The following TNMD variants were observed in gnomAD, a reference collection of about 807,000 sequenced individuals.
TNMD encodes BRICHOS domain containing 4.
A neutral mutation model predicts 26.9 loss-of-function variants in TNMD; 15 were observed. The observed-to-expected ratio is 0.56, with a 90% CI of 0.37 to 0.86. The LOEUF (loss-of-function observed/expected upper bound fraction) is 0.86. TNMD is among the 40% of genes least tolerant of loss of function. The pLI is 0.00. For missense variants in TNMD, 222 were observed against 242.6 expected, an observed-to-expected ratio of 0.92 and a Z score of 0.56; for synonymous variants, 73 against 77.0, an observed-to-expected ratio of 0.95 and a Z score of 0.27.
At chrX:100,593,599 T>G in intron 2 of TNMD, 1 of 189,521 alleles carries the variant, frequency 5.3e-6, no homozygotes, top group Non-Finnish European at 9.2e-6. Flanking sequence ...GGGGTCGTGA[T>G]TACTTAGCAC....
chrX:100,586,057 T>C (rs2082921323), intron 2 of TNMD, among the ~76,000 whole-genome samples: 1 of 112,271 alleles, frequency 8.9e-6, no homozygotes, highest in Non-Finnish European at 1.9e-5. Flanking sequence ...TTTATATTTC[T>C]GTACCTTAGT....
intron 2 of TNMD, among the ~76,000 whole-genome samples, chrX:100,586,092 G>A (rs963870997): frequency 2.7e-5 from 3 of 112,176 alleles, no homozygotes; most frequent in Non-Finnish European, 5.6e-5. Context: ...TGGGCTCATA[G>A]GCAATGGGCA....
At chrX:100,599,438 C>T in intron 6 of TNMD, 70 bp from the exon 7 acceptor site, 1 of 984,066 alleles carries the variant, frequency 1.0e-6, no homozygotes, top group African/African-American at 1.9e-5. Flanking sequence ...TAGTTCTCCC[C>T]TGCTTGGTGA....
chrX:100,588,533 G>A (rs1371727998), intron 2 of TNMD, among the ~76,000 whole-genome samples: 1 of 111,109 alleles, frequency 9.0e-6, no homozygotes, highest in African/African-American at 3.3e-5. Context: ...GCAATTTTGA[G>A]AAAGCATCGT....
chrX:100,595,370 C>A (rs1330057010), intron 4 of TNMD, among the ~76,000 whole-genome samples: 2 of 110,751 alleles, frequency 1.8e-5, no homozygotes, highest in Non-Finnish European at 1.9e-5. Context: ...CCGCCTAGGC[C>A]TCTCAAAGTG....
chrX:100,588,915 C>T (rs1390264758), intron 2 of TNMD, among the ~76,000 whole-genome samples: 2 of 109,824 alleles, frequency 1.8e-5, no homozygotes, highest in Non-Finnish European at 3.8e-5. Context: ...GAGGATGTTC[C>T]TTCAACTTCT....
chrX:100,589,258 C>G (rs5921613), intron 2 of TNMD, among the ~76,000 whole-genome samples: 4,386 of 106,681 alleles, frequency 0.041, 85 homozygotes, highest in Non-Finnish European at 0.061. Flanking sequence ...AAATGTGGGT[C>G]TAGAGAAACA....
intron 4 of TNMD, among the ~76,000 whole-genome samples, chrX:100,595,040 C>T (rs1432301870): frequency 1.8e-5 from 2 of 111,888 alleles, no homozygotes; most frequent in Non-Finnish European, 3.8e-5. Flanking sequence ...ATGTTATTGC[C>T]TAAAATACAA....
chrX:100,585,639 T>G (rs894675644), intron 2 of TNMD, among the ~76,000 whole-genome samples: 5 of 111,891 alleles, frequency 4.5e-5, no homozygotes, highest in Admixed American at 2.8e-4. Context: ...TTAAGACTCC[T>G]CCTAGGAGCA....
intron 2 of TNMD, among the ~76,000 whole-genome samples, chrX:100,592,280 T>C (rs1208619666): frequency 8.9e-6 from 1 of 111,886 alleles, no homozygotes; most frequent in Non-Finnish European, 1.9e-5. Flanking sequence ...AAGTTTCTCT[T>C]CTCAAGCTGG....
At chrX:100,586,985 G>A (rs2082923735) in intron 2 of TNMD, among the ~76,000 whole-genome samples, 1 of 112,302 alleles carries the variant, frequency 8.9e-6, no homozygotes, top group Non-Finnish European at 1.9e-5. Flanking sequence ...GTTCTCCACA[G>A]CCATAATGTA....
chrX:100,585,060 T>C lies in TNMD; in HGVS notation c.42T>C (p.Ile14=), dbSNP rs769282025. ...NPPENCEDCH[I]LNAEAFKSKK... is the part of the protein sequence containing the mutation. ...CAGAGAATTGTGAAGACTGTCACATTCTAAATGTAAGTTGATTCATATTTT... is the reference window on the plus strand; with the variant it reads ...CAGAGAATTGTGAAGACTGTCACATCCTAAATGTAAGTTGATTCATATTTT... The change falls in exon 1 of 7, where the codon ATT becomes ATC. Residue 14 remains isoleucine (I), a synonymous_variant. Coordinates refer to ENST00000373031, the MANE Select transcript of TNMD (RefSeq NM_022144.3). 10 of 1,209,573 alleles carry C rather than the reference T, an allele frequency of 8.3e-6. No individual in the cohort carries two copies. Among genetic ancestry groups the C allele is most frequent in the Non-Finnish European group, 1.1e-5 (10 of 894,067 alleles).
chrX:100,599,010 T>C lies in TNMD; in HGVS notation c.578-6T>C. Reference sequence around the variant, plus strand: ...TTGCATCACAACTTTGCATTTATTATCTTAGTTTCTGAGTTACAAGACTTT... The same window carrying C: ...TTGCATCACAACTTTGCATTTATTACCTTAGTTTCTGAGTTACAAGACTTT... On this transcript the variant is annotated splice_region_variant and splice_polypyrimidine_tract_variant and intron_variant, in intron 5 of 6. Transcript: ENST00000373031. 8.4e-7 allele frequency: 1 copy of C among 1,189,040 alleles called. No individual in the cohort carries two copies. Among genetic ancestry groups the C allele is most frequent in the Admixed American group, 2.3e-5 (1 of 43,834 alleles).
At position 100,596,492 on chromosome X, in the gene TNMD, A is replaced by C. The variant is rs186720133; in HGVS notation, c.424-1012A>C. Among the ~76,000 whole-genome samples, 25 of 111,930 alleles carry C rather than the reference A, an allele frequency of 2.2e-4. No individual in the cohort carries two copies. The East Asian group carries it at 6.7e-3, about 30-fold the overall frequency. ...TACCTTCAAGTAAATCTTGTTTTTT[A>C]TATTCACGCCACAGATTTTTTTTTA... On this transcript the variant is annotated intron_variant, in intron 4 of 6. Coordinates refer to ENST00000373031, the MANE Select transcript of TNMD (RefSeq NM_022144.3).
Position 100,599,726 on chromosome X carries a change from T to A in TNMD, c.*9T>A. 8.3e-7 allele frequency: 1 copy of A among 1,203,428 alleles called. No homozygotes were observed. Among genetic ancestry groups the A allele is most frequent in the Non-Finnish European group, 1.1e-6 (1 of 888,870 alleles). On this transcript the variant is annotated 3_prime_UTR_variant, in exon 7 of 7. Transcript: ENST00000373031. ...TGCTGGGGAGGGTCTAATAGGAGGT[T>A]TGAGCTCAAATGCTTAAACTGCTGG...
chrX:100,591,500 C>G (rs181802791), intron 2 of TNMD, among the ~76,000 whole-genome samples: 1 of 111,979 alleles, frequency 8.9e-6, no homozygotes, highest in African/African-American at 3.2e-5. Flanking sequence ...GCAATGTGCT[C>G]CACAGGGACC....
intron 2 of TNMD, among the ~76,000 whole-genome samples, 198 bp downstream of exon 2, chrX:100,585,560 T>A (rs1163025674): frequency 8.9e-6 from 1 of 111,860 alleles, no homozygotes; most frequent in African/African-American, 3.3e-5. Flanking sequence ...AAATTTATCT[T>A]CTATATTTTG....
At chrX:100,593,133 G>T in intron 2 of TNMD, among the ~76,000 whole-genome samples, 1 of 111,770 alleles carries the variant, frequency 8.9e-6, no homozygotes, top group South Asian at 3.8e-4. Flanking sequence ...AGAAAATCTG[G>T]GGTTTTGTTT....
intron 2 of TNMD, among the ~76,000 whole-genome samples, chrX:100,591,566 G>A (rs2082937731): frequency 9.0e-6 from 1 of 111,405 alleles, no homozygotes; most frequent in Non-Finnish European, 1.9e-5. Context: ...AGTCCAAAGT[G>A]GGCCACCAGC....
Sources: allele counts gnomAD v4.1 joint callset (sites outside exome capture counted in the v4.1 genomes callset), GRCh38; gene constraint gnomAD v4.1.1; transcripts MANE v1.5; gene names NCBI Gene and HGNC (gene_info 2026-07-23, HGNC 2026-07-21).